STAU2: variants seen among roughly 807,000 people sequenced by gnomAD.
STAU2 encodes double-stranded RNA-binding protein Staufen homolog 2.
A neutral mutation model predicts 65.9 loss-of-function variants in STAU2; 20 were observed. The ratio of observed to expected loss-of-function variants is 0.30; its 90% confidence interval spans 0.21 to 0.44. STAU2 has a LOEUF of 0.44. Ranked by LOEUF, STAU2 falls within the 20% of genes least tolerant of loss-of-function variation. The pLI is 1.00. For synonymous variants in STAU2, 232 were observed against 233.9 expected, an observed-to-expected ratio of 0.99 and a Z score of 0.07; for missense variants, 558 against 683.9, an observed-to-expected ratio of 0.82 and a Z score of 2.05.
chr8:73,708,978 G>T (rs988168995), intron 4 of STAU2, 54 bp downstream of exon 4: 78 of 1,413,524 alleles, frequency 5.5e-5, no homozygotes, highest in Non-Finnish European at 6.6e-5. Flanking sequence ...AATCTGAGAT[G>T]ATAAATCTGT....
At chr8:73,565,391 A>G (rs1248917049) in intron 12 of STAU2, among the ~76,000 whole-genome samples, 2 of 152,146 alleles carry the variant, frequency 1.3e-5, no homozygotes, top group African/African-American at 4.8e-5. Flanking sequence ...CCTTCCCAGA[A>G]GCAAAATCCT....
At chr8:73,627,397 G>C (rs1355856089) in intron 6 of STAU2, among the ~76,000 whole-genome samples, 3 of 152,066 alleles carry the variant, frequency 2.0e-5, no homozygotes, top group African/African-American at 7.2e-5. Context: ...TAACAGCCTA[G>C]GTGGTTTGCA....
Position 73,717,933 on chromosome 8 carries a change from A to T in STAU2, c.-17-8771T>A, listed in dbSNP as rs575416009. ...TAAAAAAGCCTGCAAAGATTGAAAT[A>T]TAAGTCTCTTAAATCTATAATTTGG... On this transcript the variant is annotated intron_variant, in intron 3 of 14. Coordinates refer to ENST00000524300, the MANE Select transcript of STAU2 (RefSeq NM_001164380.2). Among the ~76,000 whole-genome samples the T allele has an allele frequency of 3.3e-5, 5 of 152,368 alleles. No individual in the cohort carries two copies. In the East Asian group the frequency reaches 9.6e-4, roughly 29 times the overall value.
At chr8:73,680,952 C>A (rs1050457026) in intron 5 of STAU2, among the ~76,000 whole-genome samples, 4 of 151,814 alleles carry the variant, frequency 2.6e-5, no homozygotes, top group Non-Finnish European at 4.4e-5. Context: ...AACAAAGCCT[C>A]CAAGAAGTTT....
At chr8:73,604,202 T>C (rs1488612937) in intron 9 of STAU2, among the ~76,000 whole-genome samples, 1 of 152,120 alleles carries the variant, frequency 6.6e-6, no homozygotes, top group Non-Finnish European at 1.5e-5. Flanking sequence ...TGGGAGGAGA[T>C]CTCTGCAACA....
intron 13 of STAU2, among the ~76,000 whole-genome samples, chr8:73,549,016 C>T (rs778483793): frequency 2.0e-4 from 30 of 152,292 alleles, no homozygotes; most frequent in South Asian, 1.2e-3. Flanking sequence ...TCTTTCACTT[C>T]AGCTCAAATG....
intron 6 of STAU2, among the ~76,000 whole-genome samples, chr8:73,649,256 A>AC (rs1554555801): frequency 6.6e-6 from 1 of 152,170 alleles, no homozygotes; most frequent in Non-Finnish European, 1.5e-5. Flanking sequence ...AGTTAAAAAT[A>AC]TTTTTTTGAT....
chr8:73,606,827 T>C (rs1586108129), intron 9 of STAU2, among the ~76,000 whole-genome samples: 1 of 152,182 alleles, frequency 6.6e-6, no homozygotes, highest in East Asian at 1.9e-4. Context: ...AGCCCAAATA[T>C]CCACTGACAG....
At chr8:73,734,169 A>G (rs1184336953) in intron 3 of STAU2, among the ~76,000 whole-genome samples, 1 of 151,758 alleles carries the variant, frequency 6.6e-6, no homozygotes, top group East Asian at 1.9e-4. Context: ...AAATGTTACC[A>G]GTGATTATCT....
intron 6 of STAU2, among the ~76,000 whole-genome samples, chr8:73,620,067 T>C (rs1813116521): frequency 6.6e-6 from 1 of 152,192 alleles, no homozygotes; most frequent in African/African-American, 2.4e-5. Flanking sequence ...TTTCCTATCA[T>C]CTATTTTATT....
chr8:73,730,815 T>C (rs1806007523), intron 3 of STAU2, among the ~76,000 whole-genome samples: 1 of 152,152 alleles, frequency 6.6e-6, no homozygotes, highest in Non-Finnish European at 1.5e-5. Context: ...TAGGTCTAGT[T>C]GATTAATACT....
At chr8:73,515,481 C>A (rs1822653729) in intron 13 of STAU2, among the ~76,000 whole-genome samples, 1 of 152,050 alleles carries the variant, frequency 6.6e-6, no homozygotes, top group Non-Finnish European at 1.5e-5. Context: ...GAGAATAAGT[C>A]CCTGAAATGT....
At chr8:73,710,463 C>A (rs1461388110) in intron 3 of STAU2, among the ~76,000 whole-genome samples, 1 of 150,530 alleles carries the variant, frequency 6.6e-6, no homozygotes, top group Non-Finnish European at 1.5e-5. Context: ...TCCTCTCTAA[C>A]TGTCAAGATC....
chr8:73,614,271 T>C (rs1812672839), intron 8 of STAU2, among the ~76,000 whole-genome samples: 1 of 152,166 alleles, frequency 6.6e-6, no homozygotes, highest in Admixed American at 6.6e-5. Context: ...AAAGATACCA[T>C]TAGATTAGAT....
chr8:73,517,532 T>C (rs958076260), intron 13 of STAU2, among the ~76,000 whole-genome samples: 25 of 152,214 alleles, frequency 1.6e-4, no homozygotes, highest in African/African-American at 5.8e-4. Context: ...TGGGTTCTAT[T>C]TATACTTTGT....
intron 4 of STAU2, among the ~76,000 whole-genome samples, chr8:73,690,597 T>C (rs1308968267): frequency 6.6e-6 from 1 of 152,202 alleles, no homozygotes; most frequent in Non-Finnish European, 1.5e-5. Context: ...TGAAGTGTCA[T>C]GGTAGCTGAA....
chr8:73,496,856 T>C (rs550251036), intron 13 of STAU2, among the ~76,000 whole-genome samples: 1 of 151,818 alleles, frequency 6.6e-6, no homozygotes, highest in East Asian at 1.9e-4. Flanking sequence ...AAATGCTCAA[T>C]AGCCACATGT....
intron 1 of STAU2, 80 bp downstream of exon 1, chr8:73,746,703 G>T: frequency 1.1e-6 from 1 of 892,494 alleles, no homozygotes; most frequent in Non-Finnish European, 1.5e-6. Flanking sequence ...GGAACTGCAG[G>T]GCTCCCCAGC....
At chr8:73,462,349 G>A (rs1050595789) in intron 13 of STAU2, among the ~76,000 whole-genome samples, 6 of 151,710 alleles carry the variant, frequency 4.0e-5, no homozygotes, top group East Asian at 1.9e-4. Flanking sequence ...AGATCCACCC[G>A]CCTTGGCCTC....
Sources: gnomAD v4.1 joint callset for allele counts (sites outside exome capture counted in the v4.1 genomes callset) on GRCh38, gnomAD v4.1.1 for gene constraint, MANE v1.5 for transcripts, NCBI Gene and HGNC (gene_info 2026-07-23, HGNC 2026-07-21) for gene names.